The following STRA6 variants were observed in gnomAD, a reference collection of about 807,000 sequenced individuals.
STRA6 encodes receptor for retinol uptake STRA6.
Under a neutral mutation model 83.6 loss-of-function variants are expected in STRA6, and 48 were observed. The ratio of observed to expected loss-of-function variants is 0.57; its 90% confidence interval spans 0.46 to 0.73. The LOEUF (loss-of-function observed/expected upper bound fraction) is 0.73, where lower values mean the gene tolerates loss of function less well. Among genes scored for constraint, STRA6 ranks in the 30% least tolerant of loss-of-function variants. STRA6 has a pLI of 0.00. For missense variants in STRA6, 760 were observed against 838.8 expected (o/e 0.91, Z 1.16); for synonymous variants, 353 against 362.3 (o/e 0.97, Z 0.29).
At chr15:74,204,670 C>T (rs1200012765), upstream of STRA6, among the ~76,000 whole-genome samples, 2 of 152,224 alleles carry the variant, frequency 1.3e-5, no homozygotes, top group Admixed American at 1.3e-4. Context: ...TGGTGGCTTA[C>T]ACTTGTAATC....
intron 16 of STRA6, 133 bp downstream of exon 16, chr15:74,182,028 C>A (rs942393335): frequency 1.2e-6 from 1 of 825,874 alleles, no homozygotes; most frequent in Non-Finnish European, 2.0e-6. Context: ...GTAAGGCAAG[C>A]TCTTTCTACT....
chr15:74,208,204 A>G, intron 1 of STRA6: 1 of 326,484 alleles, frequency 3.1e-6, no homozygotes, highest in Non-Finnish European at 4.6e-6. Context: ...ATTTCAGCTC[A>G]GAACAAAGGT....
chr15:74,209,781 TGGTGCTCAGAG>T (rs2074342712), upstream of STRA6: 1 of 263,928 alleles, frequency 3.8e-6, no homozygotes. Context: ...GGGAAGGAAA[TGGTGCTCAGAG>T]GGTGCTCCAC....
intron 17 of STRA6, 96 bp from the exon 18 acceptor site, chr15:74,181,033 A>G: frequency 6.5e-7 from 1 of 1,532,286 alleles, no homozygotes; most frequent in Admixed American, 1.7e-5. Flanking sequence ...GTGCACGTGC[A>G]CTCCCTGCAT....
At chr15:74,193,764 G>A in intron 8 of STRA6, 36 bp downstream of exon 8, 41 of 1,611,442 alleles carry the variant, frequency 2.5e-5, no homozygotes, top group Non-Finnish European at 3.5e-5. Flanking sequence ...TGTCTTGGGT[G>A]CTGAGGAAGA....
upstream of STRA6, among the ~76,000 whole-genome samples, chr15:74,211,272 A>C (rs1269203922): frequency 7.9e-5 from 12 of 151,978 alleles, no homozygotes; most frequent in African/African-American, 2.4e-4. Context: ...GGATTGAGGG[A>C]AGGCCCCAAG....
chr15:74,209,330 T>A, upstream of STRA6: 1 of 1,514,398 alleles, frequency 6.6e-7, no homozygotes, highest in East Asian at 2.5e-5. Context: ...AGATGTGGCC[T>A]TAGAGAAGCT....
chr15:74,204,913 C>T (rs542311208), upstream of STRA6, among the ~76,000 whole-genome samples: 3 of 151,352 alleles, frequency 2.0e-5, no homozygotes, highest in East Asian at 5.8e-4. Flanking sequence ...CCAGCCTGGA[C>T]AAAAGAGGCA....
At chr15:74,181,524 G>T in intron 16 of STRA6, 66 bp from the exon 17 acceptor site, 1 of 1,583,906 alleles carries the variant, frequency 6.3e-7, no homozygotes, top group Non-Finnish European at 8.6e-7. Context: ...GTCAGTGTCA[G>T]ACCTGGATGC....
intron 14 of STRA6, 57 bp downstream of exon 14, chr15:74,183,799 C>T: frequency 6.2e-7 from 1 of 1,612,742 alleles, no homozygotes; most frequent in East Asian, 2.2e-5. Context: ...CAACTGAGGC[C>T]AGTGTCTGAG....
intron 12 of STRA6, 89 bp from the exon 13 acceptor site, chr15:74,185,144 G>A: frequency 7.5e-7 from 1 of 1,329,788 alleles, no homozygotes; most frequent in Non-Finnish European, 1.1e-6. Context: ...GGTGCCTTGT[G>A]GGGAGTTCCC....
intron 1 of STRA6, chr15:74,207,944 C>T (rs1277543002): frequency 7.6e-6 from 11 of 1,455,214 alleles, no homozygotes; most frequent in Non-Finnish European, 1.0e-5. Flanking sequence ...TCTCCACCTC[C>T]TGTCTCTCTA....
intron 2 of STRA6, among the ~76,000 whole-genome samples, chr15:74,199,396 G>A (rs907807941): frequency 8.8e-6 from 1 of 113,040 alleles, no homozygotes; most frequent in Admixed American, 7.8e-5. Flanking sequence ...CTGGGATCGT[G>A]AGTAGCAGCC....
intron 8 of STRA6, among the ~76,000 whole-genome samples, chr15:74,193,231 A>C (rs896851343): frequency 3.3e-5 from 5 of 152,030 alleles, no homozygotes; most frequent in Non-Finnish European, 5.9e-5. Flanking sequence ...ACACAAAACT[A>C]TCTCTTCCCC....
At chr15:74,196,507 G>A (rs1046024483) in intron 4 of STRA6, among the ~76,000 whole-genome samples, 5 of 152,180 alleles carry the variant, frequency 3.3e-5, no homozygotes, top group Admixed American at 6.5e-5. Context: ...AACAGCCGCC[G>A]CCCTGGGCTG....
At chr15:74,195,784 C>T (rs1429850068) in intron 5 of STRA6, 109 bp from the exon 6 acceptor site, 6 of 873,170 alleles carry the variant, frequency 6.9e-6, no homozygotes, top group Admixed American at 2.3e-5. Flanking sequence ...ATACTACTTC[C>T]CTGGCTCTCA....
intron 7 of STRA6, among the ~76,000 whole-genome samples, chr15:74,194,194 C>T (rs1253600866): frequency 1.3e-5 from 2 of 152,166 alleles, no homozygotes; most frequent in African/African-American, 4.8e-5. Context: ...TTGATTCCCT[C>T]CTGCCCCCCA....
At position 74,195,549 on chromosome 15, in the gene STRA6, C is replaced by T. The variant is rs115022778; in HGVS notation, c.431-81G>A. ...CAGTGAGCCCACCCAGGCCTCTCTT[C>T]GGTCTCCAGCTTCCAAGCCCTTCAG... is the stretch of plus-strand genomic sequence containing the variant. On this transcript the variant is annotated intron_variant, in intron 6 of 18. Transcript: ENST00000395105. 199 of 1,581,972 alleles carry T rather than the reference C, an allele frequency of 1.3e-4. No homozygotes were observed. The African/African-American group carries it at 1.8e-3, about 14-fold the overall frequency.
chr15:74,195,136 A>G, intron 7 of STRA6, 166 bp downstream of exon 7: 1 of 1,504,800 alleles, frequency 6.6e-7, no homozygotes, highest in Non-Finnish European at 8.9e-7. Flanking sequence ...TCTCCTGCAG[A>G]GCAGCCAAGC....
Sources: gnomAD v4.1 joint callset for allele counts (sites outside exome capture counted in the v4.1 genomes callset) on GRCh38, gnomAD v4.1.1 for gene constraint, MANE v1.5 for transcripts, NCBI Gene and HGNC (gene_info 2026-07-23, HGNC 2026-07-21) for gene names.